Variants in FGD6 observed in about 807,000 individuals in gnomAD.
The protein encoded by FGD6 is FYVE, RhoGEF and PH domain containing 6.
Under a neutral mutation model 149.4 loss-of-function variants are expected in FGD6, and 90 were observed. That is an observed-to-expected ratio of 0.60 (90% CI 0.51 to 0.72). The LOEUF (loss-of-function observed/expected upper bound fraction) is 0.72, where lower values mean the gene tolerates loss of function less well. Ranked by LOEUF, FGD6 falls within the 30% of genes least tolerant of loss-of-function variation. The pLI, the probability that FGD6 is intolerant of heterozygous loss-of-function variation, is 0.00. For missense variants in FGD6, 1,437 were observed against 1,684.8 expected (o/e 0.85, Z 2.57); for synonymous variants, 527 against 584.0 (o/e 0.90, Z 1.41).
rs1877987744 is a variant in FGD6, at chr12:95,089,686, G to T, written c.3861C>A (p.His1287Gln). The T allele has an allele frequency of 6.2e-7, 1 of 1,613,524 alleles. No homozygotes were observed. Among genetic ancestry groups the T allele is most frequent in the South Asian group, 1.1e-5 (1 of 91,030 alleles). ...TTCCAGGAGATCCAATCCTAGGGGA[G>T]TGCTGGTGATCTAGAACAAATCAGG... ...FQELQKLDHQ[H>Q]SPRIGSPGNH... Residue 1287 changes from histidine (H) to glutamine (Q), a missense_variant, in exon 18 of 21, where the codon CAC becomes CAA. His to Gln is a conservative substitution (Grantham distance 24). Around this residue, in one of 2 missense-constraint regions of FGD6, gnomAD observed 382 missense variants for 538.7 expected, o/e 0.71. Transcript: ENST00000343958.
chr12:95,199,838 C>G (rs576509761), intron 2 of FGD6, among the ~76,000 whole-genome samples: 1 of 152,240 alleles, frequency 6.6e-6, no homozygotes, highest in African/African-American at 2.4e-5. Context: ...CTCCTGATCT[C>G]AAGTAATATG....
intron 3 of FGD6, among the ~76,000 whole-genome samples, chr12:95,170,008 C>T (rs1880944313): frequency 6.6e-6 from 1 of 151,904 alleles, no homozygotes; most frequent in South Asian, 2.1e-4. Flanking sequence ...ATAATCCCAG[C>T]TACTCGGGAG....
At chr12:95,126,654 C>T (rs750715201) in intron 8 of FGD6, among the ~76,000 whole-genome samples, 6 of 151,286 alleles carry the variant, frequency 4.0e-5, no homozygotes, top group Non-Finnish European at 1.5e-5. Flanking sequence ...CTGCTTGAAC[C>T]CGGGAGGTGG....
rs2056709741 is a variant in FGD6 at position 95,209,279 on chromosome 12, C to T, written c.2005G>A (p.Gly669Arg). Reference sequence around the variant, plus strand: ...AAGCCTTGCCAATCACTTTCAATCCCCTTCTGCTCCCCACTGGAGAGGTGG... The same window carrying T: ...AAGCCTTGCCAATCACTTTCAATCCTCTTCTGCTCCCCACTGGAGAGGTGG... The part of the protein sequence containing the change: ...TGHLSSGEQK[G>R]IESDWQGLLV... The change falls in exon 2 of 21, where the codon GGG (glycine) becomes AGG (arginine). Residue 669 changes from glycine to arginine, a missense_variant. Physicochemically the swap from Gly to Arg is moderately radical, Grantham distance 125 (BLOSUM62 -2). Coordinates refer to ENST00000343958, the MANE Select transcript of FGD6 (RefSeq NM_018351.4). 5 of 1,614,166 alleles carry T rather than the reference C, an allele frequency of 3.1e-6. No homozygotes were observed. In the East Asian group the frequency reaches 1.1e-4, roughly 36 times the overall value.
In FGD6 at chr12:95,109,188, T is replaced by G. The variant is rs559574331; in HGVS notation, c.3134-627A>C. On this transcript the variant is annotated intron_variant, in intron 9 of 20. Transcript: ENST00000343958. ...TGTTTTATTCTTTTTATTAACCCTTTGCCTTTAGCAAAGTGTTTTTCCATA... is the reference window on the plus strand; with the variant it reads ...TGTTTTATTCTTTTTATTAACCCTTGGCCTTTAGCAAAGTGTTTTTCCATA... Among the ~76,000 whole-genome samples, 8 of 136,880 alleles carry G rather than the reference T, an allele frequency of 5.8e-5. 1 individual carries two copies. In the East Asian group the frequency reaches 1.9e-3, roughly 33 times the overall value. 89.8% of individuals were successfully genotyped at this position (136,880 alleles called of 152,430 possible).
At chr12:95,123,486 G>A (rs559342981) in intron 8 of FGD6, among the ~76,000 whole-genome samples, 1 of 152,080 alleles carries the variant, frequency 6.6e-6, no homozygotes, top group South Asian at 2.1e-4. Context: ...TATCTCCCCA[G>A]GTCCCTTTTT....
intron 2 of FGD6, among the ~76,000 whole-genome samples, chr12:95,192,742 T>C (rs1881627143): frequency 6.6e-6 from 1 of 152,250 alleles, no homozygotes; most frequent in East Asian, 1.9e-4. Flanking sequence ...CTTTCCTACA[T>C]TGGAAGGGGA....
At position 95,107,617 on chromosome 12, in the gene FGD6, T is replaced by C. The variant is rs749922372; in HGVS notation, c.3279A>G (p.Glu1093=). The C allele has an allele frequency of 9.3e-6, 15 of 1,613,950 alleles. No homozygotes were observed. The highest frequency in any genetic ancestry group is 1.3e-5 in the Non-Finnish European group (15 of 1,180,040). ...IVQPGRVFLK[E]GILMKLSRKV... ...TCCGAGACAGCTTCATCAGAATTCC[T>C]TCTTTGAGAAAAACCTGATTCACCC... Residue 1093 remains glutamate, a synonymous_variant, in exon 12 of 21, where the codon GAA becomes GAG. Coordinates refer to ENST00000343958, the MANE Select transcript of FGD6 (RefSeq NM_018351.4).
At chr12:95,137,133 G>T (rs1336040163) in intron 7 of FGD6, among the ~76,000 whole-genome samples, 1 of 152,230 alleles carries the variant, frequency 6.6e-6, no homozygotes, top group East Asian at 1.9e-4. Context: ...CAAAAAATTA[G>T]CCAGGTGTGG....
rs1881428152 is a variant in FGD6, at chr12:95,186,225, C to CTTTTT, written c.2442-13482_2442-13481insAAAAA. Among the ~76,000 whole-genome samples, 38 of 71,186 alleles carry CTTTTT rather than the reference C, an allele frequency of 5.3e-4. 17 individuals are homozygous for CTTTTT. Among genetic ancestry groups the CTTTTT allele is most frequent in the East Asian group, 9.6e-4 (2 of 2,076 alleles). The allele number at this position is 71,186 out of a possible 152,430, so 46.7% of individuals were successfully genotyped here. On this transcript the variant is annotated intron_variant, in intron 2 of 20. Coordinates refer to ENST00000343958, the MANE Select transcript of FGD6 (RefSeq NM_018351.4). ...AGCTAAGAATGCTTCTTATATTCTT[C>CTTTTT]TTCTTTTTTTTTTTTTTTTTTTTTT... is the stretch of plus-strand genomic sequence containing the variant.
At chr12:95,215,382 A>G (rs2056748311) in intron 1 of FGD6, among the ~76,000 whole-genome samples, 1 of 152,216 alleles carries the variant, frequency 6.6e-6, no homozygotes, top group Admixed American at 6.5e-5. Context: ...TAACTTTCCT[A>G]AACGTTTCAA....
rs776044370 is a variant in FGD6 at position 95,217,291 on chromosome 12, C to T, written c.-51G>A. ...CGCTCGGCCCCTCAATCCATCTTCC[C>T]CTTTCAGTCCATTGTTCCCACAGTT... is the stretch of plus-strand genomic sequence containing the variant. On this transcript the variant is annotated 5_prime_UTR_variant, in exon 1 of 21. Coordinates refer to ENST00000343958, the MANE Select transcript of FGD6 (RefSeq NM_018351.4). 1 of 1,579,778 alleles carries T rather than the reference C, an allele frequency of 6.3e-7. No homozygotes were observed. Among genetic ancestry groups the T allele is most frequent in the Non-Finnish European group, 8.6e-7 (1 of 1,157,976 alleles).
chr12:95,123,707 G>A (rs559027580), intron 8 of FGD6, among the ~76,000 whole-genome samples: 79 of 151,648 alleles, frequency 5.2e-4, no homozygotes, highest in Non-Finnish European at 9.0e-4. Flanking sequence ...GACTACAGGC[G>A]CCCACCACCA....
intron 8 of FGD6, among the ~76,000 whole-genome samples, chr12:95,125,414 C>A (rs1879306001): frequency 6.6e-6 from 1 of 152,082 alleles, no homozygotes; most frequent in African/African-American, 2.4e-5. Flanking sequence ...GGAAGGATCC[C>A]CTGAACCCAG....
chr12:95,154,048 C>A (rs1228419933), intron 3 of FGD6, among the ~76,000 whole-genome samples: 1 of 152,002 alleles, frequency 6.6e-6, no homozygotes, highest in African/African-American at 2.4e-5. Context: ...CAACCTCTGC[C>A]TCCGGGGTTC....
intron 3 of FGD6, among the ~76,000 whole-genome samples, chr12:95,167,862 C>T (rs1428605850): frequency 6.6e-6 from 1 of 151,728 alleles, no homozygotes; most frequent in Non-Finnish European, 1.5e-5. Context: ...GGTGTGAGCC[C>T]CCGCGCCCAG....
chr12:95,202,704 T>C (rs761576477), intron 2 of FGD6, among the ~76,000 whole-genome samples: 1 of 152,062 alleles, frequency 6.6e-6, no homozygotes, highest in South Asian at 2.1e-4. Context: ...CCTAATTCCT[T>C]ATTAAAAGGA....
intron 14 of FGD6, among the ~76,000 whole-genome samples, chr12:95,098,888 G>C (rs78960041): frequency 6.1e-5 from 2 of 32,932 alleles, no homozygotes; most frequent in African/African-American, 1.1e-4. Context: ...TTTTTTTTTT[G>C]AGACGGAGTC....
chr12:95,171,070 G>A (rs138199156), intron 3 of FGD6, among the ~76,000 whole-genome samples: 7 of 152,204 alleles, frequency 4.6e-5, no homozygotes, highest in Non-Finnish European at 1.0e-4. Context: ...CCATGTATCA[G>A]ATTATTTAAT....
Sources: allele counts gnomAD v4.1 joint callset (sites outside exome capture counted in the v4.1 genomes callset), GRCh38; gene constraint gnomAD v4.1.1; regional missense constraint gnomAD v4.1.1; transcripts MANE v1.5; gene names NCBI Gene and HGNC (gene_info 2026-07-23, HGNC 2026-07-21).